ACER3: variants seen among roughly 807,000 people sequenced by gnomAD.
ACER3 encodes the protein alkaline ceramidase 3, also known as alkCDase 3.
A neutral mutation model predicts 48.9 loss-of-function variants in ACER3; 16 were observed. That is an observed-to-expected ratio of 0.33 (90% CI 0.22 to 0.50). The LOEUF is 0.50. Among genes scored for constraint, ACER3 ranks in the 20% least tolerant of loss-of-function variants. The pLI is 0.98. For synonymous variants in ACER3, 109 were observed against 107.8 expected (o/e 1.01, Z -0.07); for missense variants, 227 against 326.0 (o/e 0.70, Z 2.34).
At chr11:76,919,055 G>C (rs1946615047) in intron 1 of ACER3, among the ~76,000 whole-genome samples, 1 of 152,218 alleles carries the variant, frequency 6.6e-6, no homozygotes, top group South Asian at 2.1e-4. Context: ...CTAATTTGCT[G>C]ACTGGGCAGG....
intron 1 of ACER3, among the ~76,000 whole-genome samples, chr11:76,893,553 C>T (rs1945859871): frequency 6.6e-6 from 1 of 152,096 alleles, no homozygotes; most frequent in African/African-American, 2.4e-5. Flanking sequence ...GATGTAGTAG[C>T]TCGTGCTTGT....
intron 6 of ACER3, among the ~76,000 whole-genome samples, chr11:76,991,249 C>T (rs1948795488): frequency 6.6e-6 from 1 of 152,184 alleles, no homozygotes; most frequent in African/African-American, 2.4e-5. Context: ...GGATTATAAC[C>T]TAGATTTGTC....
At chr11:76,972,656 A>C (rs2156770) in intron 3 of ACER3, among the ~76,000 whole-genome samples, 3 of 152,038 alleles carry the variant, frequency 2.0e-5, no homozygotes, top group African/African-American at 7.3e-5. Flanking sequence ...GATCCACTCT[A>C]TGCTGCTGTT....
chr11:76,946,836 T>A lies in ACER3; in HGVS notation c.215-12143T>A, dbSNP rs142926719. On this transcript the variant is annotated intron_variant, in intron 2 of 10. Coordinates refer to ENST00000532485, the MANE Select transcript of ACER3 (RefSeq NM_018367.7). Reference sequence around the variant, plus strand: ...CGTTGATTCCCTTTCTGGAGCAACATCTCTGGGCAATCTCCAGGTAGCTTT... The same window carrying A: ...CGTTGATTCCCTTTCTGGAGCAACAACTCTGGGCAATCTCCAGGTAGCTTT... Among the ~76,000 whole-genome samples the A allele has an allele frequency of 2.6e-3, 392 of 152,292 alleles. 7 individuals are homozygous for A. Among genetic ancestry groups the A allele is most frequent in the Admixed American group, 0.02 (311 of 15,306 alleles).
intron 3 of ACER3, among the ~76,000 whole-genome samples, chr11:76,963,139 A>T (rs1948042181): frequency 6.6e-6 from 1 of 151,348 alleles, no homozygotes; most frequent in South Asian, 2.1e-4. Context: ...TTGTATGATT[A>T]GCGAGCTCCC....
chr11:76,928,718 A>T (rs1477815132), intron 2 of ACER3, among the ~76,000 whole-genome samples: 1 of 152,206 alleles, frequency 6.6e-6, no homozygotes, highest in Non-Finnish European at 1.5e-5. Flanking sequence ...TAAATAAGGA[A>T]TCCTTTCCCC....
intron 2 of ACER3, among the ~76,000 whole-genome samples, chr11:76,940,696 C>T (rs920836382): frequency 6.6e-6 from 1 of 152,124 alleles, no homozygotes; most frequent in South Asian, 2.1e-4. Flanking sequence ...TACTTCTATA[C>T]CTTATTCTTA....
At chr11:77,017,941 T>A (rs1301334484) in intron 9 of ACER3, among the ~76,000 whole-genome samples, 1 of 1,256 alleles carries the variant, frequency 8.0e-4, no homozygotes, top group Non-Finnish European at 6.9e-3. Flanking sequence ...ATCAGTGATC[T>A]TTTTTTTTTT....
At chr11:76,969,157 A>G (rs1330837933) in intron 3 of ACER3, among the ~76,000 whole-genome samples, 1 of 152,250 alleles carries the variant, frequency 6.6e-6, no homozygotes, top group Non-Finnish European at 1.5e-5. Context: ...ACTTCTCAAA[A>G]GAAGACATTT....
At chr11:76,965,980 G>T (rs1287941911) in intron 3 of ACER3, among the ~76,000 whole-genome samples, 9 of 151,198 alleles carry the variant, frequency 6.0e-5, no homozygotes, top group Admixed American at 5.9e-4. Context: ...AATGTAAATG[G>T]GCTAAATGCT....
At chr11:76,901,117 A>G (rs1008252760) in intron 1 of ACER3, among the ~76,000 whole-genome samples, 1 of 152,032 alleles carries the variant, frequency 6.6e-6, no homozygotes, top group Non-Finnish European at 1.5e-5. Flanking sequence ...AATGTTTTCC[A>G]CAGAGTGTTG....
At chr11:76,903,605 TGTCAGCA>T (rs1425825460) in intron 1 of ACER3, among the ~76,000 whole-genome samples, 1 of 152,076 alleles carries the variant, frequency 6.6e-6, no homozygotes, top group East Asian at 1.9e-4. Context: ...AGCTGACCAG[TGTCAGCA>T]TTAAAATAGA....
chr11:76,915,457 T>A (rs1311103525), intron 1 of ACER3, among the ~76,000 whole-genome samples: 2 of 152,004 alleles, frequency 1.3e-5, no homozygotes, highest in Non-Finnish European at 2.9e-5. Flanking sequence ...AGATCGTACT[T>A]CACCATTTTT....
intron 9 of ACER3, among the ~76,000 whole-genome samples, chr11:77,018,234 C>T (rs143935435): frequency 1.0e-3 from 157 of 152,186 alleles, no homozygotes; most frequent in African/African-American, 3.3e-3. Flanking sequence ...GCCAAGGTGC[C>T]TGGCCTGTGA....
chr11:77,011,409 C>G lies in ACER3; in HGVS notation c.498-3607C>G. 4.1e-6 allele frequency: 4 copies of G among 980,466 alleles called. No individual in the cohort carries two copies. The South Asian group carries it at 1.9e-4, about 46-fold the overall frequency. 60.7% of individuals were successfully genotyped at this position (980,466 alleles called of 1,614,324 possible). A position where few individuals can be genotyped will look rare whatever the true frequency, so the allele number is the denominator to read the frequency against. ...GTTTAGAAGCAGAAAACAGATAGCA[C>G]CCTACCCCCACTGATCATATTCCTG... On this transcript the variant is annotated intron_variant, in intron 7 of 10. Coordinates refer to ENST00000532485, the MANE Select transcript of ACER3 (RefSeq NM_018367.7).
rs541005246 is a variant in ACER3 at position 76,887,381 on chromosome 11, A to G, written c.103+26302A>G. Among the ~76,000 whole-genome samples the G allele has an allele frequency of 8.5e-5, 13 of 152,358 alleles. No homozygotes were observed. The South Asian group carries it at 1.2e-3, about 15-fold the overall frequency. On this transcript the variant is annotated intron_variant, in intron 1 of 10. Coordinates refer to ENST00000532485, the MANE Select transcript of ACER3 (RefSeq NM_018367.7). The stretch of plus-strand genomic sequence containing the variant: ...GGTAAAGTTATAAGAGTAGGTGATG[A>G]GAAAGCAAAGGAGAACTCAAAGAGA...
rs1279850668 is a variant in ACER3 at position 77,024,347 on chromosome 11, A to G, written c.*4020A>G. 6.6e-6 allele frequency: 1 copy of G among 150,714 alleles called. No homozygotes were observed. The highest frequency in any genetic ancestry group is 1.5e-5 in the Non-Finnish European group (1 of 67,854). 9.3% of individuals were successfully genotyped at this position (150,714 alleles called of 1,614,324 possible). On this transcript the variant is annotated 3_prime_UTR_variant, in exon 11 of 11. Coordinates refer to ENST00000532485, the MANE Select transcript of ACER3 (RefSeq NM_018367.7). ...AAATATCTAACTACGTAATTGCTAC[A>G]TGGGGGAGCTGCTGGTGTTGTTGAG...
intron 4 of ACER3, among the ~76,000 whole-genome samples, chr11:76,985,277 AT>A (rs1293607764): frequency 6.6e-6 from 1 of 151,990 alleles, no homozygotes; most frequent in Non-Finnish European, 1.5e-5. Context: ...TAATTATTTT[AT>A]TTTTTGTGGA....
chr11:76,907,005 G>GA (rs1292507281), intron 1 of ACER3, among the ~76,000 whole-genome samples: 1 of 151,340 alleles, frequency 6.6e-6, no homozygotes, highest in Non-Finnish European at 1.5e-5. Flanking sequence ...TTCTTCAATT[G>GA]AAAAAAAAGC....
Sources: allele counts gnomAD v4.1 joint callset (sites outside exome capture counted in the v4.1 genomes callset), GRCh38; gene constraint gnomAD v4.1.1; transcripts MANE v1.5; gene names NCBI Gene and HGNC (gene_info 2026-07-23, HGNC 2026-07-21).